The following PPFIA4 variants were observed in gnomAD, a reference collection of about 807,000 sequenced individuals.
The protein encoded by PPFIA4 is PPFI scaffold protein A4.
PPFIA4 carries 98 observed loss-of-function variants against 145.7 expected under a neutral mutation model. The observed-to-expected ratio is 0.67, with a 90% CI of 0.57 to 0.80. PPFIA4 has a LOEUF of 0.80. Among genes scored for constraint, PPFIA4 ranks in the 30% least tolerant of loss-of-function variants. The pLI, the probability that PPFIA4 is intolerant of heterozygous loss-of-function variation, is 0.00. For synonymous variants in PPFIA4, 628 were observed against 649.6 expected (o/e 0.97, Z 0.51); for missense variants, 1,457 against 1,632.7 (o/e 0.89, Z 1.85).
intron 13 of PPFIA4, chr1:203,051,276 A>C (rs753669940): frequency 1.1e-5 from 11 of 985,916 alleles, no homozygotes; most frequent in Non-Finnish European, 1.2e-5. Context: ...CCAGGGACTC[A>C]GTCCAGATTA....
chr1:203,068,009 G>A lies in PPFIA4; in HGVS notation c.3148+217G>A, dbSNP rs1395896487. ...CTCCCTCAACCCCACATACCAGATA[G>A]CAGCCACCAACTGGACAAATGCAGT... is the stretch of plus-strand genomic sequence containing the variant. On this transcript the variant is annotated intron_variant, in intron 26 of 29. Transcript: ENST00000295706. The surrounding 1 kb of genome is among the most constrained non-coding windows in gnomAD (Gnocchi z 4.7). 6.6e-6 allele frequency among the ~76,000 whole-genome samples: 1 copy of A among 152,190 alleles called. No individual in the cohort carries two copies. The highest frequency in any genetic ancestry group is 1.5e-5 in the Non-Finnish European group (1 of 68,032).
In PPFIA4 at chr1:203,048,237, G is replaced by A. The variant is rs746900406; in HGVS notation, c.1151G>A (p.Arg384Gln). The A allele has an allele frequency of 4.3e-6, 7 of 1,612,708 alleles. No homozygotes were observed. The highest frequency in any genetic ancestry group is 2.7e-5 in the African/African-American group (2 of 74,924). The change falls in exon 10 of 30, where the codon CGG becomes CAG. Residue 384 changes from arginine (R) to glutamine (Q), a missense_variant. By Grantham distance (43) the Arg-to-Gln change is conservative (BLOSUM62 1). Transcript: ENST00000295706. This position sits in a 1 kb window ranked among gnomAD's most constrained non-coding sequence, Gnocchi z 5.8. ...CATCCCTGCCCCTAGGCTGAAGAAC[G>A]GCATGGCAACATTGAGGAGCACCTG... ...RIAALTKAEE[R>Q]HGNIEEHLRQ...
At chr1:203,061,710 C>T in intron 24 of PPFIA4, 32 bp downstream of exon 24, 1 of 1,552,774 alleles carries the variant, frequency 6.4e-7, no homozygotes, top group Non-Finnish European at 8.7e-7. Context: ...AGAACCAGCT[C>T]CCAAAACTTC....
intron 1 of PPFIA4, chr1:203,037,200 C>T (rs745698896): frequency 1.3e-5 from 5 of 372,544 alleles, no homozygotes; most frequent in Non-Finnish European, 2.2e-5. Context: ...GGAGGGGGTC[C>T]AGGTAGGAGA....
intron 2 of PPFIA4, among the ~76,000 whole-genome samples, chr1:203,042,073 G>A (rs1659732044): frequency 6.6e-6 from 1 of 152,192 alleles, no homozygotes; most frequent in East Asian, 1.9e-4. Flanking sequence ...AGGGGATTGG[G>A]AGTTCTTCCT....
In PPFIA4 at chr1:203,075,951, C is replaced by A; in HGVS notation, c.3574+194C>A. ...CGCCGCTCTGTGTGTTCTCCCGCGG[C>A]TGCCGACTTCTCCCAGCTGGGACGG... On this transcript the variant is annotated intron_variant, in intron 29 of 29. Coordinates refer to ENST00000295706, the MANE Select transcript of PPFIA4 (RefSeq NM_001304331.2). This position sits in a 1 kb window ranked among gnomAD's most constrained non-coding sequence, Gnocchi z 4.1. 1.6e-6 allele frequency: 1 copy of A among 608,776 alleles called. No homozygotes were observed. The highest frequency in any genetic ancestry group is 3.4e-5 in the South Asian group (1 of 29,310). The allele number at this position is 608,776 out of a possible 1,614,324, so 37.7% of individuals were successfully genotyped here.
intron 2 of PPFIA4, among the ~76,000 whole-genome samples, chr1:203,042,964 A>C (rs1435802302): frequency 6.6e-6 from 1 of 152,098 alleles, no homozygotes; most frequent in Non-Finnish European, 1.5e-5. Context: ...CATATCCATC[A>C]GTTTCTGTTT....
chr1:203,070,666 T>C (rs871297), intron 27 of PPFIA4, among the ~76,000 whole-genome samples: 1 of 150,968 alleles, frequency 6.6e-6, no homozygotes, highest in Non-Finnish European at 1.5e-5. Context: ...TTCTGAAAAC[T>C]CTGAATGAGT....
At chr1:203,064,885 C>T (rs1284060625) in intron 25 of PPFIA4, among the ~76,000 whole-genome samples, 3 of 152,170 alleles carry the variant, frequency 2.0e-5, no homozygotes, top group Non-Finnish European at 2.9e-5. Context: ...TAGGTGGCCA[C>T]GGTTCTAGGA....
At chr1:203,049,038 G>A in intron 12 of PPFIA4, 58 bp downstream of exon 12, 1 of 1,497,118 alleles carries the variant, frequency 6.7e-7, no homozygotes. Context: ...AGGGAGGAAA[G>A]GACACCCTGC....
chr1:203,044,534 C>T, intron 5 of PPFIA4, 81 bp downstream of exon 5: 2 of 1,459,964 alleles, frequency 1.4e-6, no homozygotes, highest in East Asian at 2.5e-5. Flanking sequence ...TGTTTCTTGT[C>T]AGATTTCTCC....
At chr1:203,056,207 C>G in intron 17 of PPFIA4, 52 bp downstream of exon 17, 1 of 1,612,546 alleles carries the variant, frequency 6.2e-7, no homozygotes, top group Non-Finnish European at 8.5e-7. Flanking sequence ...CTCCCATGCC[C>G]TTTCCTTTCA....
chr1:203,034,108 G>A lies in PPFIA4; in HGVS notation c.-399-4502G>A, dbSNP rs1010769984. 3.3e-5 allele frequency among the ~76,000 whole-genome samples: 5 copies of A among 152,192 alleles called. 1 individual carries two copies. The East Asian group carries it at 9.6e-4, about 29-fold the overall frequency. ...CCCTTGAAGAGAGGTATAACTAGAGGGCAATGCTGGGTCAGCGGAAGGGCA... is the reference window on the plus strand; with the variant it reads ...CCCTTGAAGAGAGGTATAACTAGAGAGCAATGCTGGGTCAGCGGAAGGGCA... On this transcript the variant is annotated intron_variant, in intron 1 of 29. Transcript: ENST00000295706.
At chr1:203,050,241 G>A (rs1353200949) in intron 13 of PPFIA4, among the ~76,000 whole-genome samples, 4 of 152,298 alleles carry the variant, frequency 2.6e-5, no homozygotes, top group South Asian at 2.1e-4. Context: ...AAGTTGAGAC[G>A]CCATGGCAAT....
In PPFIA4 at chr1:203,032,387, C is replaced by T. The variant is rs77279164; in HGVS notation, c.-400+5758C>T. On this transcript the variant is annotated intron_variant, in intron 1 of 29. Transcript: ENST00000295706. ...GGTATTTCAGAAGAGGAACTATTTG[C>T]GGATGGGGGCCCAGAGGCTTGTAGT... 6.7e-3 allele frequency among the ~76,000 whole-genome samples: 1,010 copies of T among 150,134 alleles called. 18 individuals carry two copies. Among genetic ancestry groups the T allele is most frequent in the African/African-American group, 0.024 (979 of 40,926 alleles).
Position 203,068,760 on chromosome 1 carries a change from G to C in PPFIA4, c.3324+132G>C. ...CTTTTCTAGGGCCTATGCCAGAGGG[G>C]ATCGCAATGTCCTCAATTCTCCAAG... On this transcript the variant is annotated intron_variant, in intron 27 of 29. Transcript: ENST00000295706. This position sits in a 1 kb window ranked among gnomAD's most constrained non-coding sequence, Gnocchi z 4.7. The C allele has an allele frequency of 1.1e-6, 1 of 919,540 alleles. No homozygotes were observed. Among genetic ancestry groups the C allele is most frequent in the East Asian group, 3.2e-5 (1 of 31,688 alleles). The allele number at this position is 919,540 out of a possible 1,614,324, so 57.0% of individuals were successfully genotyped here.
rs775384571 is a variant in PPFIA4 at position 203,044,108 on chromosome 1, C to T, written c.501+13C>T. On this transcript the variant is annotated intron_variant, in intron 4 of 29. Coordinates refer to ENST00000295706, the MANE Select transcript of PPFIA4 (RefSeq NM_001304331.2). The stretch of plus-strand genomic sequence containing the variant: ...CCTGGATGAGAAGGTGCCCACCTGC[C>T]CGCCAGCCCCCACATCCAGCCAGGC... The T allele has an allele frequency of 1.3e-6, 2 of 1,560,046 alleles. No homozygotes were observed. Among genetic ancestry groups the T allele is most frequent in the Non-Finnish European group, 1.7e-6 (2 of 1,153,188 alleles).
chr1:203,057,508 T>C (rs1661055981), intron 19 of PPFIA4, among the ~76,000 whole-genome samples: 1 of 152,218 alleles, frequency 6.6e-6, no homozygotes, highest in Non-Finnish European at 1.5e-5. Flanking sequence ...TGAGTACACG[T>C]TAAATGTTAG....
chr1:203,051,928 G>A (rs1006394131), intron 14 of PPFIA4, 51 bp downstream of exon 14: 70 of 1,579,376 alleles, frequency 4.4e-5, no homozygotes, highest in Non-Finnish European at 5.8e-5. Context: ...ATTCGGCCGC[G>A]TGCCTGGCTC....
Sources: allele counts gnomAD v4.1 joint callset (sites outside exome capture counted in the v4.1 genomes callset), GRCh38; gene constraint gnomAD v4.1.1; non-coding constraint Gnocchi (gnomAD v3.1); transcripts MANE v1.5; gene names NCBI Gene and HGNC (gene_info 2026-07-23, HGNC 2026-07-21).